The following TMEM244 variants were observed in gnomAD, a reference collection of about 807,000 sequenced individuals.
TMEM244 encodes the protein putative transmembrane protein 244.
In TMEM244, 13 loss-of-function variants were observed where a neutral mutation model predicts 15.8. The ratio of observed to expected loss-of-function variants is 0.82; its 90% CI spans 0.53 to 1.30. The LOEUF (loss-of-function observed/expected upper bound fraction) is 1.30. TMEM244 is among the 50% of genes most tolerant of loss of function. The pLI, the probability that TMEM244 is intolerant of heterozygous loss-of-function variation, is 0.00. For missense variants in TMEM244, 161 were observed against 144.9 expected, an observed-to-expected ratio of 1.11 and a Z score of -0.57; for synonymous variants, 45 against 48.7, an observed-to-expected ratio of 0.92 and a Z score of 0.32.
rs139849085 is a variant in TMEM244 at position 129,857,317 on chromosome 6, T to TACACAC, written c.33+3833_33+3838dup. Among the ~76,000 whole-genome samples, 1,089 of 148,722 alleles carry TACACAC rather than the reference T, an allele frequency of 7.3e-3. 3 individuals carry two copies. The highest frequency in any genetic ancestry group is 0.022 in the South Asian group (105 of 4,684). ...AACATATATATTTTATATGTGTGTATACACACACACACACACACACACACA... is the reference window on the plus strand; with the variant it reads ...AACATATATATTTTATATGTGTGTATACACACACACACACACACACACACACACACA... On this transcript the variant is annotated intron_variant, in intron 1 of 4. Transcript: ENST00000368143.
At chr6:129,831,878 C>A (rs1413322925) in intron 4 of TMEM244, among the ~76,000 whole-genome samples, 1 of 152,120 alleles carries the variant, frequency 6.6e-6, no homozygotes. Context: ...GGCTGTCTTG[C>A]AGAAAAAATT....
At chr6:129,856,969 G>T (rs1182842405) in intron 1 of TMEM244, among the ~76,000 whole-genome samples, 2 of 151,832 alleles carry the variant, frequency 1.3e-5, no homozygotes, top group African/African-American at 2.4e-5. Flanking sequence ...TAACAGAAGT[G>T]TTAATCATAT....
At chr6:129,846,332 A>T (rs978741780) in intron 1 of TMEM244, among the ~76,000 whole-genome samples, 4 of 152,204 alleles carry the variant, frequency 2.6e-5, no homozygotes, top group Non-Finnish European at 4.4e-5. Flanking sequence ...ATTGTAATAC[A>T]TACCCAGAAA....
At chr6:129,857,317 T>TACAC (rs139849085) in intron 1 of TMEM244, among the ~76,000 whole-genome samples, 61,332 of 148,448 alleles carry the variant, frequency 0.41, 13,203 homozygotes, top group Non-Finnish European at 0.5. Context: ...TATGTGTGTA[T>TACAC]ACACACACAC....
At chr6:129,842,059 T>G (rs1776498214) in intron 3 of TMEM244, among the ~76,000 whole-genome samples, 2 of 152,298 alleles carry the variant, frequency 1.3e-5, no homozygotes, top group South Asian at 2.1e-4. Context: ...GACTGTAAAC[T>G]CTGCCAGCCA....
At chr6:129,840,093 T>C (rs1246066897) in intron 3 of TMEM244, among the ~76,000 whole-genome samples, 1 of 152,150 alleles carries the variant, frequency 6.6e-6, no homozygotes, top group Non-Finnish European at 1.5e-5. Context: ...AAAGTTCATA[T>C]GGAACCAAAA....
At chr6:129,857,798 T>TA (rs1554208390) in intron 1 of TMEM244, among the ~76,000 whole-genome samples, 5 of 149,454 alleles carry the variant, frequency 3.3e-5, no homozygotes, top group South Asian at 2.1e-4. Context: ...GTGTGGTTTT[T>TA]TATATATATA....
intron 3 of TMEM244, among the ~76,000 whole-genome samples, chr6:129,838,082 T>C (rs2114634896): frequency 6.6e-6 from 1 of 151,524 alleles, no homozygotes; most frequent in South Asian, 2.1e-4. Flanking sequence ...CTAATAGACA[T>C]CTACCGAATT....
chr6:129,836,107 C>T (rs892225931), intron 3 of TMEM244, among the ~76,000 whole-genome samples: 1 of 152,186 alleles, frequency 6.6e-6, no homozygotes, highest in Non-Finnish European at 1.5e-5. Context: ...AGACTGCCTC[C>T]TCAAATGAGT....
intron 1 of TMEM244, among the ~76,000 whole-genome samples, chr6:129,849,388 A>G (rs880699): frequency 0.74 from 112,706 of 151,990 alleles, 42,702 homozygotes; most frequent in Non-Finnish European, 0.81. Flanking sequence ...CCTATGGAAC[A>G]TAACAATTTT....
intron 3 of TMEM244, among the ~76,000 whole-genome samples, chr6:129,835,376 C>A (rs1328390944): frequency 1.8e-4 from 26 of 147,226 alleles, no homozygotes; most frequent in African/African-American, 5.9e-4. Context: ...GCACTCGAGA[C>A]TGGGTGACAG....
At chr6:129,853,870 T>C (rs574115129) in intron 1 of TMEM244, among the ~76,000 whole-genome samples, 1 of 152,284 alleles carries the variant, frequency 6.6e-6, no homozygotes, top group Admixed American at 6.5e-5. Flanking sequence ...ACTTCAGCAG[T>C]GTAACTCACT....
chr6:129,846,665 G>A (rs922537723), intron 1 of TMEM244, among the ~76,000 whole-genome samples: 1 of 151,938 alleles, frequency 6.6e-6, no homozygotes, highest in Non-Finnish European at 1.5e-5. Flanking sequence ...ATATAATCTT[G>A]CCAATTATAA....
rs1212733379 is a variant in TMEM244, at chr6:129,861,190, T to C, written c.-2A>G. ...AGCAACTCTGACCTGGAGAGCCATG[T>C]ACACATCCTACGTCAAGGAGGTGAT... On this transcript the variant is annotated 5_prime_UTR_variant, in exon 1 of 5. Transcript: ENST00000368143. The C allele has an allele frequency of 6.2e-7, 1 of 1,613,774 alleles. No homozygotes were observed. The highest frequency in any genetic ancestry group is 8.5e-7 in the Non-Finnish European group (1 of 1,179,722).
intron 3 of TMEM244, among the ~76,000 whole-genome samples, chr6:129,838,139 G>A (rs184964419): frequency 3.8e-4 from 58 of 152,142 alleles, no homozygotes; most frequent in Admixed American, 9.8e-4. Context: ...GCACCACATC[G>A]CACTTACTCT....
Position 129,849,160 on chromosome 6 carries a change from A to G in TMEM244, c.34-3308T>C, listed in dbSNP as rs139437917. On this transcript the variant is annotated intron_variant, in intron 1 of 4. Transcript: ENST00000368143. ...ACAAACTTTACATAGAGATACACTT[A>G]CTTTTTCTGACAAATTTATATAACA... Among the ~76,000 whole-genome samples the G allele has an allele frequency of 2.9e-4, 44 of 152,156 alleles. No individual in the cohort carries two copies. The East Asian group carries it at 7.9e-3, about 27-fold the overall frequency.
At chr6:129,850,936 C>T (rs1776629903) in intron 1 of TMEM244, among the ~76,000 whole-genome samples, 2 of 152,192 alleles carry the variant, frequency 1.3e-5, no homozygotes, top group South Asian at 4.1e-4. Context: ...ATCTTCTCAT[C>T]CCCTGCCCCT....
chr6:129,860,647 GA>G (rs1369199961), intron 1 of TMEM244, among the ~76,000 whole-genome samples: 1 of 151,668 alleles, frequency 6.6e-6, no homozygotes, highest in Non-Finnish European at 1.5e-5. Context: ...TCGATTGTTT[GA>G]TTTTTTTTTA....
chr6:129,850,054 T>G (rs1265214790), intron 1 of TMEM244, among the ~76,000 whole-genome samples: 1 of 152,174 alleles, frequency 6.6e-6, no homozygotes, highest in Non-Finnish European at 1.5e-5. Context: ...AAAATGAGGC[T>G]CAGAGAGGTC....
Sources: allele counts gnomAD v4.1 joint callset (sites outside exome capture counted in the v4.1 genomes callset), GRCh38; gene constraint gnomAD v4.1.1; transcripts MANE v1.5; gene names NCBI Gene and HGNC (gene_info 2026-07-23, HGNC 2026-07-21).